Variants in DOCK3 observed in about 807,000 individuals in gnomAD.
The protein encoded by DOCK3 is dedicator of cytokinesis 3, also known as dedicator of cytokinesis protein 3.
In DOCK3, 60 loss-of-function variants were observed where a neutral mutation model predicts 265.6. The ratio of observed to expected loss-of-function variants is 0.23; its 90% CI spans 0.18 to 0.28. DOCK3 has a LOEUF of 0.28. DOCK3 is among the 10% of genes least tolerant of loss of function. DOCK3 has a pLI of 1.00. For missense variants in DOCK3, 1,981 were observed against 2,594.3 expected (o/e 0.76, Z 5.14); for synonymous variants, 881 against 938.0 (o/e 0.94, Z 1.11).
intron 9 of DOCK3, among the ~76,000 whole-genome samples, chr3:51,113,717 G>A (rs896681656): frequency 1.3e-5 from 2 of 152,152 alleles, no homozygotes; most frequent in African/African-American, 4.8e-5. Context: ...GAATTTTCCT[G>A]TATTCTGCAG....
intron 1 of DOCK3, among the ~76,000 whole-genome samples, chr3:50,737,195 C>G (rs2038691893): frequency 6.6e-6 from 1 of 152,094 alleles, no homozygotes; most frequent in South Asian, 2.1e-4. Flanking sequence ...TGCAGAAGCT[C>G]TTTAGTTTAA....
At chr3:51,348,663 T>C (rs1411788821) in intron 38 of DOCK3, among the ~76,000 whole-genome samples, 189 bp from the exon 39 acceptor site, 1 of 152,208 alleles carries the variant, frequency 6.6e-6, no homozygotes, top group Non-Finnish European at 1.5e-5. Flanking sequence ...ACCTAAAAAC[T>C]ATGCTTGAGC....
chr3:50,939,602 A>G (rs370507693), intron 5 of DOCK3, among the ~76,000 whole-genome samples: 1 of 152,182 alleles, frequency 6.6e-6, no homozygotes, highest in Non-Finnish European at 1.5e-5. Flanking sequence ...ATAATCCATT[A>G]TATTAACATT....
At chr3:51,271,836 G>A (rs182465771) in intron 24 of DOCK3, among the ~76,000 whole-genome samples, 1 of 145,868 alleles carries the variant, frequency 6.9e-6, no homozygotes, top group East Asian at 2.0e-4. Context: ...GAGCAACAGA[G>A]CGAGACTGTC....
At chr3:51,310,417 G>A (rs2083001724) in intron 28 of DOCK3, 91 bp downstream of exon 28, 1 of 1,181,118 alleles carries the variant, frequency 8.5e-7, no homozygotes, top group Non-Finnish European at 1.2e-6. Flanking sequence ...ACATGAGCAA[G>A]ACAAATAAAG....
rs1462448700 is a variant in DOCK3, at chr3:50,728,785, C to T, written c.38-49890C>T. Among the ~76,000 whole-genome samples the T allele has an allele frequency of 4.7e-5, 7 of 149,624 alleles. No individual in the cohort carries two copies. The East Asian group carries it at 5.9e-4, about 13-fold the overall frequency. ...TTGCCCAGGCTGGAGTGCAGTGGTG[C>T]GATCTCGGCTCACTGCAACCTCTGC... On this transcript the variant is annotated intron_variant, in intron 1 of 52. Coordinates refer to ENST00000266037, the MANE Select transcript of DOCK3 (RefSeq NM_004947.5).
intron 21 of DOCK3, among the ~76,000 whole-genome samples, chr3:51,239,575 T>TTTTG (rs1560265810): frequency 1.4e-5 from 2 of 146,772 alleles, no homozygotes; most frequent in Non-Finnish European, 3.0e-5. Context: ...TGTTTGTTTG[T>TTTTG]TTTTTGTTTT....
At chr3:50,992,160 A>G (rs1575699026) in intron 5 of DOCK3, among the ~76,000 whole-genome samples, 2 of 152,354 alleles carry the variant, frequency 1.3e-5, no homozygotes, top group South Asian at 4.1e-4. Flanking sequence ...CAAATTAACA[A>G]CATAACTTCA....
intron 6 of DOCK3, among the ~76,000 whole-genome samples, chr3:51,065,152 A>G (rs903755650): frequency 6.6e-6 from 1 of 152,196 alleles, no homozygotes; most frequent in African/African-American, 2.4e-5. Context: ...AAGTTAGGGT[A>G]TAATTTTCAG....
At chr3:50,840,880 T>C (rs1338912855) in intron 2 of DOCK3, among the ~76,000 whole-genome samples, 1 of 152,240 alleles carries the variant, frequency 6.6e-6, no homozygotes, top group African/African-American at 2.4e-5. Flanking sequence ...AAAAGTTGAT[T>C]CTTTTTTTTC....
intron 1 of DOCK3, among the ~76,000 whole-genome samples, chr3:50,723,010 G>A (rs886978418): frequency 6.6e-6 from 1 of 152,080 alleles, no homozygotes; most frequent in African/African-American, 2.4e-5. Flanking sequence ...CAGAGCTCAA[G>A]TGATCTGCCT....
At chr3:51,169,935 A>G (rs1308753421) in intron 12 of DOCK3, among the ~76,000 whole-genome samples, 1 of 151,938 alleles carries the variant, frequency 6.6e-6, no homozygotes, top group Non-Finnish European at 1.5e-5. Context: ...GAAGTTCTGC[A>G]TCTGTGTTCA....
chr3:50,807,249 CTTTTTTTTTTTT>C (rs59370167), intron 2 of DOCK3, among the ~76,000 whole-genome samples: 126,196 of 145,364 alleles, frequency 0.87, 54,426 homozygotes, highest in East Asian at 0.95. Context: ...CTGCCACGCT[CTTTTTTTTTTTT>C]TTTTTTTTTT....
chr3:50,823,147 AT>A (rs2044543349), intron 2 of DOCK3, among the ~76,000 whole-genome samples: 1 of 151,730 alleles, frequency 6.6e-6, no homozygotes, highest in African/African-American at 2.4e-5. Context: ...TTTTATTTTT[AT>A]TTTATTTATT....
intron 1 of DOCK3, among the ~76,000 whole-genome samples, chr3:50,726,568 A>G (rs1559556865): frequency 1.3e-5 from 2 of 152,208 alleles, no homozygotes; most frequent in Non-Finnish European, 2.9e-5. Flanking sequence ...GGAGAGCCCT[A>G]AGTCAGGCCA....
At chr3:51,310,355 T>A (rs753893687) in intron 28 of DOCK3, 29 bp downstream of exon 28, 2 of 1,515,610 alleles carry the variant, frequency 1.3e-6, no homozygotes, top group East Asian at 4.7e-5. Flanking sequence ...TGTATCAGCA[T>A]CACTGAGCTG....
intron 1 of DOCK3, among the ~76,000 whole-genome samples, chr3:50,764,446 A>G (rs1402100986): frequency 6.6e-6 from 1 of 152,186 alleles, no homozygotes; most frequent in African/African-American, 2.4e-5. Flanking sequence ...ATACAAGAGT[A>G]TGTTTATAGG....
At position 51,260,331 on chromosome 3, in the gene DOCK3, G is replaced by A. The variant is rs1307681335; in HGVS notation, c.2355+5G>A. 3 of 1,611,880 alleles carry A rather than the reference G, an allele frequency of 1.9e-6. No individual in the cohort carries two copies. The highest frequency in any genetic ancestry group is 2.5e-6 in the Non-Finnish European group (3 of 1,178,954). On this transcript the variant is annotated splice_donor_5th_base_variant and intron_variant, in intron 23 of 52. Coordinates refer to ENST00000266037, the MANE Select transcript of DOCK3 (RefSeq NM_004947.5). ...GAAACACTCCTTTTTACTCAGGTTC[G>A]CACACTGCAGGGAAGCTTTGATGCT...
intron 1 of DOCK3, among the ~76,000 whole-genome samples, chr3:50,768,303 A>C (rs1018142644): frequency 1.3e-5 from 2 of 152,284 alleles, no homozygotes; most frequent in East Asian, 1.9e-4. Context: ...TCAATACCTA[A>C]TCTATTGAGA....
Sources: gnomAD v4.1 joint callset for allele counts (sites outside exome capture counted in the v4.1 genomes callset) on GRCh38, gnomAD v4.1.1 for gene constraint, MANE v1.5 for transcripts, NCBI Gene and HGNC (gene_info 2026-07-23, HGNC 2026-07-21) for gene names.